The following SGCZ variants were observed in gnomAD, a reference collection of about 807,000 sequenced individuals.
SGCZ encodes zeta-sarcoglycan.
In SGCZ, 40 loss-of-function variants were observed where a neutral mutation model predicts 41.3. That is an observed-to-expected ratio of 0.97 (90% CI 0.75 to 1.26). The LOEUF (loss-of-function observed/expected upper bound fraction) is 1.26, where lower values mean the gene tolerates loss of function less well. Ranked by LOEUF, SGCZ falls within the 50% of genes most tolerant of loss-of-function variation. The probability of loss-of-function intolerance (pLI) is 0.00; values close to 1 mark genes in which losing one functional copy is unlikely to be tolerated. For missense variants in SGCZ, 552 were observed against 369.8 expected (o/e 1.49, Z -4.04); for synonymous variants, 206 against 137.5 (o/e 1.50, Z -3.49).
chr8:14,277,441 C>G lies in SGCZ; in HGVS notation c.337-39762G>C, dbSNP rs111606561. 6.2e-3 allele frequency among the ~76,000 whole-genome samples: 949 copies of G among 152,208 alleles called. 9 individuals are homozygous for G. The highest frequency in any genetic ancestry group is 0.022 in the African/African-American group (907 of 41,548). The stretch of plus-strand genomic sequence containing the variant: ...AGTCACTTCCTCATTTCTGCTATTT[C>G]TAGACCAAAAGTGCTCCTAACACAT... On this transcript the variant is annotated intron_variant, in intron 3 of 7. Coordinates refer to ENST00000382080, the MANE Select transcript of SGCZ (RefSeq NM_139167.4).
chr8:15,177,662 G>A (rs1245120048), intron 1 of SGCZ, among the ~76,000 whole-genome samples: 1 of 152,296 alleles, frequency 6.6e-6, no homozygotes, highest in African/African-American at 2.4e-5. Context: ...GATCTAAAAT[G>A]TATAATGGGC....
chr8:15,036,399 A>G (rs1223305648), intron 1 of SGCZ, among the ~76,000 whole-genome samples: 1 of 152,068 alleles, frequency 6.6e-6, no homozygotes, highest in East Asian at 1.9e-4. Flanking sequence ...AGTGGGGCCT[A>G]TTGGAGGGTA....
At chr8:15,154,720 GC>G (rs1296074734) in intron 1 of SGCZ, among the ~76,000 whole-genome samples, 1 of 152,130 alleles carries the variant, frequency 6.6e-6, no homozygotes, top group African/African-American at 2.4e-5. Flanking sequence ...TGCACTTCAA[GC>G]AATTATAAAC....
chr8:14,500,190 C>A (rs1396286834), intron 2 of SGCZ, among the ~76,000 whole-genome samples: 1 of 152,030 alleles, frequency 6.6e-6, no homozygotes, highest in East Asian at 1.9e-4. Flanking sequence ...TAAAGAATCG[C>A]TTAAAATATA....
At chr8:14,102,105 A>AAT (rs1802047568) in intron 7 of SGCZ, among the ~76,000 whole-genome samples, 1 of 43,862 alleles carries the variant, frequency 2.3e-5, no homozygotes, top group African/African-American at 1.0e-4. Flanking sequence ...TATATATATA[A>AAT]TTTTTTTTTT....
At chr8:14,989,045 T>G (rs1801922063) in intron 1 of SGCZ, among the ~76,000 whole-genome samples, 1 of 151,978 alleles carries the variant, frequency 6.6e-6, no homozygotes, top group South Asian at 2.1e-4. Flanking sequence ...GGATTTCTCT[T>G]AAGAATCCAG....
At chr8:14,992,587 A>T (rs538188384) in intron 1 of SGCZ, among the ~76,000 whole-genome samples, 1 of 149,896 alleles carries the variant, frequency 6.7e-6, no homozygotes, top group East Asian at 2.0e-4. Context: ...CTCCTCATCC[A>T]ATATACTCCC....
rs575652142 is a variant in SGCZ at position 14,931,961 on chromosome 8, G to A, written c.39+305624C>T. Among the ~76,000 whole-genome samples, 6 of 151,936 alleles carry A rather than the reference G, an allele frequency of 3.9e-5. No homozygotes were observed. In the East Asian group the frequency reaches 5.8e-4, roughly 15 times the overall value. On this transcript the variant is annotated intron_variant, in intron 1 of 7. Coordinates refer to ENST00000382080, the MANE Select transcript of SGCZ (RefSeq NM_139167.4). Reference sequence around the variant, plus strand: ...GTGTGTCTCTTCATGGAGACAGCTCGCATAATGTTAAAAGTGAGTCCTGCA... The same window carrying A: ...GTGTGTCTCTTCATGGAGACAGCTCACATAATGTTAAAAGTGAGTCCTGCA...
chr8:15,125,992 A>C (rs2116961344), intron 1 of SGCZ, among the ~76,000 whole-genome samples: 1 of 152,244 alleles, frequency 6.6e-6, no homozygotes, highest in Non-Finnish European at 1.5e-5. Flanking sequence ...CTAAAAATAC[A>C]AAAATTAGCC....
chr8:15,219,263 T>C (rs1801512169), intron 1 of SGCZ, among the ~76,000 whole-genome samples: 1 of 152,076 alleles, frequency 6.6e-6, no homozygotes, highest in African/African-American at 2.4e-5. Context: ...TACTATACTT[T>C]CCTTTCTCTT....
intron 1 of SGCZ, among the ~76,000 whole-genome samples, chr8:14,980,280 G>A (rs7010925): frequency 0.96 from 146,009 of 152,262 alleles, 70,117 homozygotes; most frequent in East Asian, 1. Context: ...GAAGAACAGA[G>A]ACGGTCCAGA....
At chr8:14,237,114 T>G (rs1806790501) in intron 4 of SGCZ, among the ~76,000 whole-genome samples, 1 of 152,192 alleles carries the variant, frequency 6.6e-6, no homozygotes, top group Non-Finnish European at 1.5e-5. Flanking sequence ...ATCTCATGTT[T>G]CCTTAAGTTT....
At chr8:14,743,506 A>G (rs1005470668) in intron 1 of SGCZ, among the ~76,000 whole-genome samples, 2 of 152,082 alleles carry the variant, frequency 1.3e-5, no homozygotes, top group African/African-American at 4.8e-5. Context: ...TAAAATATGA[A>G]GTAAATTTTT....
intron 1 of SGCZ, among the ~76,000 whole-genome samples, chr8:15,179,266 G>A (rs535648769): frequency 6.6e-6 from 1 of 152,124 alleles, no homozygotes; most frequent in South Asian, 2.1e-4. Flanking sequence ...GAGGGAATGA[G>A]GATGGTGTAT....
intron 4 of SGCZ, among the ~76,000 whole-genome samples, chr8:14,220,616 C>G (rs1414797970): frequency 6.6e-6 from 1 of 151,886 alleles, no homozygotes; most frequent in Non-Finnish European, 1.5e-5. Flanking sequence ...CCCGTCTCTA[C>G]TAAAAAAAAA....
chr8:14,808,889 AC>A (rs1351261689), intron 1 of SGCZ, among the ~76,000 whole-genome samples: 4 of 151,810 alleles, frequency 2.6e-5, no homozygotes, highest in African/African-American at 9.7e-5. Context: ...ACCATGGAAT[AC>A]TATGCAGCCA....
intron 1 of SGCZ, among the ~76,000 whole-genome samples, chr8:14,678,234 C>A (rs1808336389): frequency 6.6e-6 from 1 of 152,106 alleles, no homozygotes; most frequent in Non-Finnish European, 1.5e-5. Context: ...TATTGAAAGA[C>A]ACTGTCAAAA....
intron 1 of SGCZ, among the ~76,000 whole-genome samples, chr8:14,962,372 A>C (rs117685928): frequency 0.023 from 3,472 of 148,448 alleles, 88 homozygotes; most frequent in South Asian, 0.12. Context: ...GGAAAAAGTC[A>C]AATCAAGGTA....
At chr8:14,965,156 T>G (rs1381590870) in intron 1 of SGCZ, among the ~76,000 whole-genome samples, 1 of 152,128 alleles carries the variant, frequency 6.6e-6, no homozygotes, top group Non-Finnish European at 1.5e-5. Context: ...GACAAATCTC[T>G]GCGGCCATAG....
Sources: allele counts gnomAD v4.1 joint callset (sites outside exome capture counted in the v4.1 genomes callset), GRCh38; gene constraint gnomAD v4.1.1; transcripts MANE v1.5; gene names NCBI Gene and HGNC (gene_info 2026-07-23, HGNC 2026-07-21).